The following FHIT variants were observed in gnomAD, a reference collection of about 807,000 sequenced individuals.
FHIT encodes fragile histidine triad diadenosine triphosphatase.
A neutral mutation model predicts 17.9 loss-of-function variants in FHIT; 19 were observed. That is an observed-to-expected ratio of 1.06 (90% confidence interval 0.74 to 1.56). FHIT has a LOEUF of 1.56. FHIT is among the 40% of genes most tolerant of loss of function. FHIT has a pLI of 0.00. For missense variants in FHIT, 248 were observed against 189.2 expected (o/e 1.31, Z -1.82); for synonymous variants, 81 against 69.7 (o/e 1.16, Z -0.81).
At chr3:61,208,473 A>G (rs1313610976) in intron 1 of FHIT, among the ~76,000 whole-genome samples, 1 of 152,012 alleles carries the variant, frequency 6.6e-6, no homozygotes, top group Non-Finnish European at 1.5e-5. Context: ...GTCACTCAGG[A>G]CTTGCTTTAT....
rs534672732 is a variant in FHIT at position 60,112,402 on chromosome 3, C to T, written c.104-98250G>A. On this transcript the variant is annotated intron_variant, in intron 5 of 9. Transcript: ENST00000492590. Reference sequence around the variant, plus strand: ...GAATGCTTATCTGTAGCTGTGGTCCCGAGTTTCAGAAGCCTGATCATAGCG... The same window carrying T: ...GAATGCTTATCTGTAGCTGTGGTCCTGAGTTTCAGAAGCCTGATCATAGCG... 8.5e-5 allele frequency among the ~76,000 whole-genome samples: 13 copies of T among 152,262 alleles called. No individual in the cohort carries two copies. In the South Asian group the frequency reaches 1.9e-3, roughly 22 times the overall value.
intron 5 of FHIT, among the ~76,000 whole-genome samples, chr3:60,286,739 C>T (rs1239905780): frequency 6.6e-6 from 1 of 152,158 alleles, no homozygotes; most frequent in African/African-American, 2.4e-5. Context: ...GGGCTTAGAA[C>T]ACTGTGGAGC....
intron 5 of FHIT, among the ~76,000 whole-genome samples, chr3:60,503,742 A>C (rs574338216): frequency 6.6e-6 from 1 of 152,322 alleles, no homozygotes; most frequent in South Asian, 2.1e-4. Flanking sequence ...AAAGAAAGGG[A>C]TATCATACTA....
At chr3:59,872,962 AC>A (rs1184548965) in intron 8 of FHIT, among the ~76,000 whole-genome samples, 1 of 152,208 alleles carries the variant, frequency 6.6e-6, no homozygotes, top group Non-Finnish European at 1.5e-5. Context: ...TCTTTCAGTT[AC>A]CTAGACTCAA....
chr3:60,783,289 G>A (rs746882979), intron 4 of FHIT, among the ~76,000 whole-genome samples: 156 of 152,218 alleles, frequency 1.0e-3, no homozygotes, highest in Non-Finnish European at 1.8e-3. Context: ...GGTCATTAGA[G>A]AGAGAGCCAA....
intron 3 of FHIT, among the ~76,000 whole-genome samples, chr3:60,823,857 T>C (rs1255606148): frequency 6.6e-6 from 1 of 152,134 alleles, no homozygotes; most frequent in Non-Finnish European, 1.5e-5. Flanking sequence ...GGGACAACCA[T>C]GATGATGGCT....
intron 3 of FHIT, among the ~76,000 whole-genome samples, chr3:61,031,888 A>C (rs564823422): frequency 1.3e-5 from 2 of 152,226 alleles, no homozygotes; most frequent in Non-Finnish European, 2.9e-5. Context: ...CAGGAAAATA[A>C]AGTAAGTTCA....
chr3:60,487,302 G>A (rs749644822), intron 5 of FHIT, among the ~76,000 whole-genome samples: 1 of 152,160 alleles, frequency 6.6e-6, no homozygotes, highest in African/African-American at 2.4e-5. Context: ...GCAGCTCTAG[G>A]AAGCTCCTTA....
intron 8 of FHIT, among the ~76,000 whole-genome samples, chr3:59,773,786 A>G (rs1439080028): frequency 6.6e-6 from 1 of 152,106 alleles, no homozygotes; most frequent in African/African-American, 2.4e-5. Flanking sequence ...TGATTCCTCA[A>G]TACTTTAAAG....
chr3:60,121,709 A>AACAAAACAAACACACACAC (rs1705261038), intron 5 of FHIT, among the ~76,000 whole-genome samples: 4 of 116,334 alleles, frequency 3.4e-5, no homozygotes, highest in Admixed American at 8.5e-5. Context: ...AAACAAAACA[A>AACAAAACAAACACACACAC]ACACACACAC....
chr3:61,026,232 C>G (rs2032724872), intron 3 of FHIT, among the ~76,000 whole-genome samples: 1 of 152,104 alleles, frequency 6.6e-6, no homozygotes, highest in South Asian at 2.1e-4. Context: ...GCTTTGTACT[C>G]TCTGTCTGCT....
intron 3 of FHIT, among the ~76,000 whole-genome samples, chr3:61,034,258 A>AT (rs879889374): frequency 1.3e-5 from 2 of 152,200 alleles, no homozygotes; most frequent in Non-Finnish European, 2.9e-5. Flanking sequence ...GAAAAAATAG[A>AT]TAAGTGGTAC....
intron 2 of FHIT, among the ~76,000 whole-genome samples, chr3:61,080,975 T>C (rs11925426): frequency 0.04 from 6,110 of 152,286 alleles, 217 homozygotes; most frequent in African/African-American, 0.092. Flanking sequence ...AGTAGGACTT[T>C]GTGGCCTCCC....
rs116123080 is a variant in FHIT at position 60,589,506 on chromosome 3, G to A, written c.-17-52527C>T. On this transcript the variant is annotated intron_variant, in intron 4 of 9. Coordinates refer to ENST00000492590, the MANE Select transcript of FHIT (RefSeq NM_002012.4). ...TCATCACAGTCCATGTATTTGACCA[G>A]TTCACTTTAATAAACATTTAGACTT... 8.2e-3 allele frequency among the ~76,000 whole-genome samples: 1,252 copies of A among 152,106 alleles called. 19 individuals are homozygous for A. The highest frequency in any genetic ancestry group is 0.028 in the African/African-American group (1,143 of 41,534).
At chr3:60,853,436 A>G (rs782527476) in intron 3 of FHIT, among the ~76,000 whole-genome samples, 1 of 152,098 alleles carries the variant, frequency 6.6e-6, no homozygotes, top group Non-Finnish European at 1.5e-5. Flanking sequence ...AACTGTGTTC[A>G]ATTTCCCTGC....
intron 8 of FHIT, among the ~76,000 whole-genome samples, chr3:59,771,112 A>G (rs756146752): frequency 2.0e-5 from 3 of 152,172 alleles, no homozygotes; most frequent in Admixed American, 6.5e-5. Context: ...GGGTAGCGGG[A>G]TTATTTTGTT....
intron 7 of FHIT, 97 bp from the exon 8 acceptor site, chr3:59,922,511 G>A (rs1705458834): frequency 2.1e-6 from 2 of 963,626 alleles, no homozygotes; most frequent in East Asian, 2.5e-5. Context: ...ACTCCACGAT[G>A]GTTCCTGCTG....
At chr3:60,116,698 A>G (rs1367964092) in intron 5 of FHIT, among the ~76,000 whole-genome samples, 1 of 152,178 alleles carries the variant, frequency 6.6e-6, no homozygotes, top group Non-Finnish European at 1.5e-5. Flanking sequence ...TATTAAAGCA[A>G]TTCCAAGGAT....
At chr3:60,719,910 C>T (rs1176077475) in intron 4 of FHIT, among the ~76,000 whole-genome samples, 5 of 152,146 alleles carry the variant, frequency 3.3e-5, no homozygotes, top group Non-Finnish European at 5.9e-5. Context: ...CCTGCAATGG[C>T]CACTCAACTC....
Sources: allele counts gnomAD v4.1 joint callset (sites outside exome capture counted in the v4.1 genomes callset), GRCh38; gene constraint gnomAD v4.1.1; transcripts MANE v1.5; gene names NCBI Gene and HGNC (gene_info 2026-07-23, HGNC 2026-07-21).